The following PRKCA variants were observed in gnomAD, a reference collection of about 807,000 sequenced individuals.
PRKCA encodes the protein protein kinase C alpha type.
Under a neutral mutation model 87.0 loss-of-function variants are expected in PRKCA, and 27 were observed. The observed-to-expected ratio is 0.31, with a 90% CI of 0.23 to 0.43. The LOEUF (loss-of-function observed/expected upper bound fraction) is 0.43. Ranked by LOEUF, PRKCA falls within the 20% of genes least tolerant of loss-of-function variation. The probability of loss-of-function intolerance (pLI) is 1.00; values close to 1 mark genes in which losing one functional copy is unlikely to be tolerated. For missense variants in PRKCA, 518 were observed against 852.3 expected, an observed-to-expected ratio of 0.61 and a Z score of 4.88; for synonymous variants, 329 against 311.1, an observed-to-expected ratio of 1.06 and a Z score of -0.61.
chr17:66,568,975 T>G (rs1968982270), intron 3 of PRKCA, among the ~76,000 whole-genome samples: 1 of 152,090 alleles, frequency 6.6e-6, no homozygotes, highest in African/African-American at 2.4e-5. Context: ...ATGAGGCTGG[T>G]CAATAGGATA....
At chr17:66,422,270 G>A (rs1177438094) in intron 2 of PRKCA, among the ~76,000 whole-genome samples, 2 of 152,088 alleles carry the variant, frequency 1.3e-5, no homozygotes, top group Admixed American at 6.5e-5. Flanking sequence ...TTTTTGGGGG[G>A]TGAGGTTCAG....
intron 5 of PRKCA, among the ~76,000 whole-genome samples, chr17:66,649,724 C>T (rs76796404): frequency 2.6e-5 from 4 of 152,220 alleles, no homozygotes; most frequent in Middle Eastern, 3.4e-3. Context: ...TTTGAGGTCA[C>T]GGAAGGTCCA....
chr17:66,778,085 C>G (rs560276451), intron 14 of PRKCA: 8 of 985,428 alleles, frequency 8.1e-6, no homozygotes, highest in Middle Eastern at 5.2e-4. Flanking sequence ...AGCTCACGCC[C>G]CCTGGAGAGC....
At chr17:66,776,298 A>T (rs1340828091) in intron 14 of PRKCA, among the ~76,000 whole-genome samples, 1 of 152,004 alleles carries the variant, frequency 6.6e-6, no homozygotes, top group Admixed American at 6.6e-5. Context: ...AGCCTAAGAC[A>T]AGCTGTTTCT....
At chr17:66,723,209 C>A (rs1229214399) in intron 8 of PRKCA, among the ~76,000 whole-genome samples, 1 of 152,236 alleles carries the variant, frequency 6.6e-6, no homozygotes, top group Non-Finnish European at 1.5e-5. Flanking sequence ...CTAGCCCAGG[C>A]AGCATGCAGT....
Position 66,371,493 on chromosome 17 carries a change from A to C in PRKCA, c.205+65366A>C, listed in dbSNP as rs1285553080. Among the ~76,000 whole-genome samples the C allele has an allele frequency of 2.6e-5, 4 of 152,232 alleles. No homozygotes were observed. In the East Asian group the frequency reaches 7.7e-4, roughly 29 times the overall value. ...TGATGAACAGCATAGCTCTGGACCC[A>C]GACTGCCTGGGTTTACATCTCAGCT... is the stretch of plus-strand genomic sequence containing the variant. On this transcript the variant is annotated intron_variant, in intron 2 of 16. Coordinates refer to ENST00000413366, the MANE Select transcript of PRKCA (RefSeq NM_002737.3).
At chr17:66,349,902 G>A (rs114844906) in intron 2 of PRKCA, among the ~76,000 whole-genome samples, 4,126 of 152,142 alleles carry the variant, frequency 0.027, 86 homozygotes, top group African/African-American at 0.063. Flanking sequence ...TGGAAACTTA[G>A]GGTTTTTAGG....
Position 66,386,118 on chromosome 17 carries a change from C to T in PRKCA, c.205+79991C>T, listed in dbSNP as rs534464733. On this transcript the variant is annotated intron_variant, in intron 2 of 16. Transcript: ENST00000413366. The stretch of plus-strand genomic sequence containing the variant: ...CTATAGGTTCATTTTGCAGATGTAA[C>T]CGCTTTTGAAGTCTCGTTGTGTCGT... Among the ~76,000 whole-genome samples, 116 of 152,180 alleles carry T rather than the reference C, an allele frequency of 7.6e-4. 1 individual carries two copies. Among genetic ancestry groups the T allele is most frequent in the Non-Finnish European group, 1.4e-3 (92 of 68,044 alleles).
intron 2 of PRKCA, among the ~76,000 whole-genome samples, chr17:66,462,169 G>T (rs1914884578): frequency 6.6e-6 from 1 of 152,132 alleles, no homozygotes. Flanking sequence ...GAAGCTGGCT[G>T]GTGCTCTGCG....
At chr17:66,572,114 AG>A (rs1969095875) in intron 3 of PRKCA, among the ~76,000 whole-genome samples, 1 of 152,202 alleles carries the variant, frequency 6.6e-6, no homozygotes. Context: ...AGATGCTGAT[AG>A]ATTAAGCTAT....
At chr17:66,324,006 A>ACATAC (rs1374152065) in intron 2 of PRKCA, among the ~76,000 whole-genome samples, 1 of 152,124 alleles carries the variant, frequency 6.6e-6, no homozygotes, top group African/African-American at 2.4e-5. Context: ...ACATGACTGT[A>ACATAC]CATACCATCT....
At chr17:66,637,893 A>C (rs1971187309) in intron 3 of PRKCA, among the ~76,000 whole-genome samples, 2 of 152,162 alleles carry the variant, frequency 1.3e-5, no homozygotes, top group Admixed American at 1.3e-4. Context: ...GCTGTGCGGG[A>C]ACCATGCTCT....
At chr17:66,496,400 C>A in intron 3 of PRKCA, 117 bp downstream of exon 3, 2 of 817,196 alleles carry the variant, frequency 2.4e-6, no homozygotes, top group South Asian at 1.6e-5. Context: ...ACTCAATTCT[C>A]ATAGAGCGTT....
chr17:66,644,635 T>C (rs904624424), intron 4 of PRKCA, among the ~76,000 whole-genome samples: 12 of 152,184 alleles, frequency 7.9e-5, no homozygotes, highest in African/African-American at 2.9e-4. Flanking sequence ...GGTATTTAAA[T>C]ATTTGAAGAT....
chr17:66,546,778 C>G (rs1268639986), intron 3 of PRKCA, among the ~76,000 whole-genome samples: 1 of 152,108 alleles, frequency 6.6e-6, no homozygotes, highest in Admixed American at 6.5e-5. Context: ...CAATACGACC[C>G]GCAGCATTAG....
intron 2 of PRKCA, among the ~76,000 whole-genome samples, chr17:66,385,504 G>T (rs1048622669): frequency 6.6e-6 from 1 of 152,054 alleles, no homozygotes; most frequent in African/African-American, 2.4e-5. Context: ...CCATGATTCT[G>T]TCCTCTCTCT....
intron 2 of PRKCA, among the ~76,000 whole-genome samples, chr17:66,489,587 C>T (rs1476327849): frequency 2.6e-5 from 4 of 151,722 alleles, no homozygotes; most frequent in Non-Finnish European, 5.9e-5. Flanking sequence ...GCAAGGAACA[C>T]GTCTCCAATC....
At chr17:66,612,728 G>GTT (rs760834125) in intron 3 of PRKCA, among the ~76,000 whole-genome samples, 4 of 142,696 alleles carry the variant, frequency 2.8e-5, no homozygotes, top group Non-Finnish European at 6.2e-5. Flanking sequence ...TCTGTTGGAG[G>GTT]TTTTTTTTTT....
intron 3 of PRKCA, among the ~76,000 whole-genome samples, chr17:66,563,162 T>G (rs560307509): frequency 1.1e-4 from 17 of 152,170 alleles, no homozygotes; most frequent in South Asian, 2.1e-4. Flanking sequence ...GTGTGGTACA[T>G]TTCTTACAAC....
Sources: allele counts gnomAD v4.1 joint callset (sites outside exome capture counted in the v4.1 genomes callset), GRCh38; gene constraint gnomAD v4.1.1; transcripts MANE v1.5; gene names NCBI Gene and HGNC (gene_info 2026-07-23, HGNC 2026-07-21).